Variants in LOXHD1 observed in about 807,000 individuals in gnomAD.
LOXHD1 encodes lipoxygenase homology domain-containing protein 1.
LOXHD1 carries 205 observed loss-of-function variants against 248.2 expected under a neutral mutation model. The observed-to-expected ratio is 0.83, with a 90% CI of 0.74 to 0.93. LOXHD1 has a LOEUF of 0.93. Ranked by LOEUF, LOXHD1 falls within the 40% of genes least tolerant of loss-of-function variation. The pLI is 0.00. For synonymous variants in LOXHD1, 1,113 were observed against 1,162.8 expected (o/e 0.96, Z 0.87); for missense variants, 2,930 against 2,971.6 (o/e 0.99, Z 0.33).
chr18:46,589,081 G>A (rs866913377), intron 12 of LOXHD1, among the ~76,000 whole-genome samples: 7 of 152,126 alleles, frequency 4.6e-5, no homozygotes, highest in Admixed American at 3.9e-4. Flanking sequence ...AATGAGGGTC[G>A]TGATCAACTC....
chr18:46,648,422 A>G (rs2039060834), intron 2 of LOXHD1, among the ~76,000 whole-genome samples: 1 of 152,242 alleles, frequency 6.6e-6, no homozygotes, highest in African/African-American at 2.4e-5. Context: ...AGCAGTTTTC[A>G]AATGTTTCAT....
intron 14 of LOXHD1, among the ~76,000 whole-genome samples, chr18:46,573,437 C>T (rs1319933046): frequency 6.6e-6 from 1 of 152,162 alleles, no homozygotes; most frequent in African/African-American, 2.4e-5. Flanking sequence ...AGAATAGATA[C>T]CGTTCATTGT....
chr18:46,555,987 T>G (rs34093107), intron 21 of LOXHD1, among the ~76,000 whole-genome samples: 71,274 of 151,636 alleles, frequency 0.47, 17,255 homozygotes, highest in South Asian at 0.54. Context: ...ATCCATAAGC[T>G]ATGCATGGAT....
chr18:46,561,555 A>C (rs954204696), intron 18 of LOXHD1, among the ~76,000 whole-genome samples: 1 of 152,174 alleles, frequency 6.6e-6, no homozygotes, highest in Non-Finnish European at 1.5e-5. Context: ...ATCCTTCTCA[A>C]AGCCTGTCCC....
chr18:46,584,697 G>A (rs2038026369), intron 12 of LOXHD1, among the ~76,000 whole-genome samples: 1 of 151,984 alleles, frequency 6.6e-6, no homozygotes, highest in Non-Finnish European at 1.5e-5. Flanking sequence ...AGAAGAGGAG[G>A]GAACATTTCC....
chr18:46,621,281 G>A (rs554870099), intron 4 of LOXHD1, among the ~76,000 whole-genome samples: 3 of 152,272 alleles, frequency 2.0e-5, no homozygotes, highest in South Asian at 2.1e-4. Context: ...TACACCTCAC[G>A]AAACCATTTT....
intron 5 of LOXHD1, among the ~76,000 whole-genome samples, chr18:46,611,211 G>A (rs1168485309): frequency 2.6e-5 from 4 of 152,168 alleles, no homozygotes; most frequent in African/African-American, 9.7e-5. Flanking sequence ...CTAGGACCCT[G>A]CCTTGCTTTT....
chr18:46,614,864 C>T (rs1465627719), intron 5 of LOXHD1, among the ~76,000 whole-genome samples: 5 of 152,042 alleles, frequency 3.3e-5, no homozygotes, highest in African/African-American at 4.8e-5. Context: ...ACCTTTTTCC[C>T]TATTCTTCGA....
intron 4 of LOXHD1, among the ~76,000 whole-genome samples, chr18:46,620,643 G>A (rs1426257201): frequency 3.3e-5 from 5 of 152,222 alleles, no homozygotes; most frequent in Non-Finnish European, 7.3e-5. Context: ...CATCCCTAGA[G>A]ACACCTGACA....
chr18:46,657,056 C>A lies in LOXHD1; in HGVS notation c.-23G>T. 5 of 1,551,512 alleles carry A rather than the reference C, an allele frequency of 3.2e-6. No homozygotes were observed. Among genetic ancestry groups the A allele is most frequent in the East Asian group, 2.4e-5 (1 of 40,912 alleles). On this transcript the variant is annotated 5_prime_UTR_variant, in exon 1 of 41. Coordinates refer to ENST00000642948, the MANE Select transcript of LOXHD1 (RefSeq NM_001384474.1). The stretch of plus-strand genomic sequence containing the variant: ...CATTCTGTCGGCTGCCTTCTCCCAG[C>A]GCTCGCAGGCTCACTGTGCCGCCTC...
rs2144135296 is a variant in LOXHD1 at position 46,522,122 on chromosome 18, C to T, written c.5064G>A (p.Val1688=). Residue 1688 remains valine, a synonymous_variant, in exon 32 of 41, where the codon GTG becomes GTA. Transcript: ENST00000642948. The part of the protein sequence containing the change: ...VEEFYVAGLD[V]GIIKKIELGH... The stretch of plus-strand genomic sequence containing the variant: ...GCACCTCTATTTTCTTGATGATGCC[C>T]ACATCCAAGCCTGCGACGTAGAACT... The T allele has an allele frequency of 6.4e-7, 1 of 1,550,522 alleles. No homozygotes were observed. Among genetic ancestry groups the T allele is most frequent in the East Asian group, 2.4e-5 (1 of 40,922 alleles).
rs1030153414 is a variant in LOXHD1 at position 46,477,628 on chromosome 18, C to T, written c.6666G>A (p.Glu2222=). ...ELGELRKVRL[E]HDSSGYCSGW... is the part of the protein sequence containing the mutation. ...CTGAGCAGTAGCCACTGCTGTCGTG[C>T]TCCAGGCGCACCTTGCGCAGCTCAC... The change falls in exon 41 of 41, where the codon GAG becomes GAA. Residue 2222 remains glutamate (E), a synonymous_variant. Transcript: ENST00000642948. 22 of 1,551,798 alleles carry T rather than the reference C, an allele frequency of 1.4e-5. No homozygotes were observed. In the African/African-American group the frequency reaches 2.6e-4, roughly 18 times the overall value.
chr18:46,503,647 G>GGA (rs912298915), intron 37 of LOXHD1, among the ~76,000 whole-genome samples: 4 of 152,198 alleles, frequency 2.6e-5, no homozygotes, highest in Non-Finnish European at 5.9e-5. Context: ...TTAGGAAAGA[G>GGA]GAGAGGTGCA....
intron 5 of LOXHD1, among the ~76,000 whole-genome samples, chr18:46,615,855 A>G (rs2038578669): frequency 1.3e-5 from 2 of 152,148 alleles, no homozygotes; most frequent in African/African-American, 2.4e-5. Context: ...TTTTTGCTTC[A>G]TATCTTGGGA....
intron 37 of LOXHD1, among the ~76,000 whole-genome samples, chr18:46,494,139 T>A (rs1054835859): frequency 6.6e-6 from 1 of 152,176 alleles, no homozygotes; most frequent in Non-Finnish European, 1.5e-5. Context: ...AGCACAGACA[T>A]CTTGAGAAAT....
At chr18:46,651,297 T>G (rs1365014172) in intron 1 of LOXHD1, among the ~76,000 whole-genome samples, 1 of 152,150 alleles carries the variant, frequency 6.6e-6, no homozygotes, top group Non-Finnish European at 1.5e-5. Context: ...GCCATATATT[T>G]GCACAACTCC....
intron 4 of LOXHD1, among the ~76,000 whole-genome samples, chr18:46,618,650 G>A (rs1239694893): frequency 6.6e-6 from 1 of 152,144 alleles, no homozygotes; most frequent in East Asian, 1.9e-4. Context: ...CCAGACCCAA[G>A]GTGCCACCCT....
chr18:46,579,612 C>A lies in LOXHD1; in HGVS notation c.1809+18G>T. 1.3e-6 allele frequency: 2 copies of A among 1,551,644 alleles called. No homozygotes were observed. Among genetic ancestry groups the A allele is most frequent in the Non-Finnish European group, 1.7e-6 (2 of 1,146,942 alleles). ...ACTGGGAGGAAGGGGATGAGTGGGGCACATTGCTGTAACTTACATTGCCCT... is the reference window on the plus strand; with the variant it reads ...ACTGGGAGGAAGGGGATGAGTGGGGAACATTGCTGTAACTTACATTGCCCT... On this transcript the variant is annotated intron_variant, in intron 13 of 40. Transcript: ENST00000642948.
At chr18:46,507,507 G>A in intron 36 of LOXHD1, 31 bp downstream of exon 36, 1 of 1,551,228 alleles carries the variant, frequency 6.4e-7, no homozygotes, top group Non-Finnish European at 8.7e-7. Context: ...AGTGGTAAGG[G>A]AGCGGGAGGT....
Sources: gnomAD v4.1 joint callset for allele counts (sites outside exome capture counted in the v4.1 genomes callset) on GRCh38, gnomAD v4.1.1 for gene constraint, MANE v1.5 for transcripts, NCBI Gene and HGNC (gene_info 2026-07-23, HGNC 2026-07-21) for gene names.